FOXN3: variants seen among roughly 807,000 people sequenced by gnomAD.
FOXN3 encodes the protein forkhead box protein N3.
FOXN3 carries 7 observed loss-of-function variants against 38.4 expected under a neutral mutation model. That is an observed-to-expected ratio of 0.18 (90% CI 0.10 to 0.34). The LOEUF (loss-of-function observed/expected upper bound fraction) is 0.34. Ranked by LOEUF, FOXN3 falls within the 10% of genes least tolerant of loss-of-function variation. The pLI is 1.00. For synonymous variants in FOXN3, 230 were observed against 242.2 expected (o/e 0.95, Z 0.47); for missense variants, 456 against 613.4 (o/e 0.74, Z 2.71).
chr14:89,304,311 G>A (rs539560849), intron 3 of FOXN3, among the ~76,000 whole-genome samples: 4 of 152,300 alleles, frequency 2.6e-5, no homozygotes, highest in South Asian at 2.1e-4. Context: ...GGGAAGGGGC[G>A]GGAAGGGGCG....
upstream of FOXN3, chr14:89,417,806 G>A (rs577778746): frequency 3.3e-4 from 148 of 452,352 alleles, no homozygotes; most frequent in African/African-American, 2.6e-3. Flanking sequence ...GGTAAGCACC[G>A]CAGCGTCCCA....
chr14:89,276,621 G>T (rs759582968), intron 4 of FOXN3, among the ~76,000 whole-genome samples: 38 of 152,284 alleles, frequency 2.5e-4, no homozygotes, highest in Middle Eastern at 6.8e-3. Flanking sequence ...GTGGGACCTG[G>T]TTGAGAGGGT....
chr14:89,305,911 A>G (rs1407209383), intron 3 of FOXN3, among the ~76,000 whole-genome samples: 4 of 152,212 alleles, frequency 2.6e-5, no homozygotes, highest in Non-Finnish European at 5.9e-5. Context: ...AGGTGTTTAT[A>G]ATTTGTGGAA....
chr14:89,226,962 T>C (rs1487806600), intron 4 of FOXN3, among the ~76,000 whole-genome samples: 1 of 152,180 alleles, frequency 6.6e-6, no homozygotes, highest in African/African-American at 2.4e-5. Context: ...ACTTCTGATC[T>C]CTGAAACTGT....
At chr14:89,266,240 T>C (rs1300993041) in intron 4 of FOXN3, among the ~76,000 whole-genome samples, 1 of 152,170 alleles carries the variant, frequency 6.6e-6, no homozygotes, top group Admixed American at 6.5e-5. Context: ...GGTGGCACGT[T>C]TGGGTTCTCC....
At chr14:89,369,428 T>C (rs577976844) in intron 2 of FOXN3, among the ~76,000 whole-genome samples, 1 of 152,332 alleles carries the variant, frequency 6.6e-6, no homozygotes, top group East Asian at 1.9e-4. Flanking sequence ...ATTATTTATT[T>C]CACTTAATTC....
intron 2 of FOXN3, among the ~76,000 whole-genome samples, chr14:89,370,591 G>A (rs1320981146): frequency 6.6e-6 from 1 of 152,242 alleles, no homozygotes; most frequent in Non-Finnish European, 1.5e-5. Context: ...CACTTGGCAA[G>A]AAGCAGGTTC....
chr14:89,470,169 G>T (rs1224393104), intron 1 of FOXN3, among the ~76,000 whole-genome samples: 2 of 152,184 alleles, frequency 1.3e-5, no homozygotes. Context: ...GACGCTGGAA[G>T]CTCAGTCCTA....
intron 1 of FOXN3, among the ~76,000 whole-genome samples, chr14:89,453,739 T>G (rs1892666693): frequency 6.6e-6 from 1 of 152,162 alleles, no homozygotes; most frequent in African/African-American, 2.4e-5. Context: ...CTTGTTTTGG[T>G]GGGCCCCATC....
chr14:89,483,119 A>T (rs1893374126), intron 1 of FOXN3, among the ~76,000 whole-genome samples: 1 of 152,108 alleles, frequency 6.6e-6, no homozygotes, highest in South Asian at 2.1e-4. Context: ...AAGCAGGAGA[A>T]TCGCTTGAAC....
At chr14:89,286,656 C>T (rs1284987237) in intron 3 of FOXN3, among the ~76,000 whole-genome samples, 1 of 152,142 alleles carries the variant, frequency 6.6e-6, no homozygotes, top group Non-Finnish European at 1.5e-5. Context: ...ATTGTTTTGC[C>T]TTATAACTGG....
At chr14:89,331,198 C>T (rs2139986327) in intron 3 of FOXN3, among the ~76,000 whole-genome samples, 1 of 152,322 alleles carries the variant, frequency 6.6e-6, no homozygotes, top group Non-Finnish European at 1.5e-5. Context: ...TAAATACTAA[C>T]TCCCCATTCC....
At position 89,613,907 on chromosome 14, in the gene FOXN3, A is replaced by C. The variant is rs530812530; in HGVS notation, c.-15+5121T>G. 2.6e-5 allele frequency among the ~76,000 whole-genome samples: 4 copies of C among 152,330 alleles called. No homozygotes were observed. The South Asian group carries it at 8.3e-4, about 32-fold the overall frequency. On this transcript the variant is annotated intron_variant, in intron 1 of 6. Coordinates refer to the FOXN3 transcript ENST00000345097. ...CTGATTTCTCATCTCCATACCAGGC[A>C]GAGGTGAATCTAGTGATTGTGAAAA...
intron 1 of FOXN3, among the ~76,000 whole-genome samples, chr14:89,508,758 C>T (rs1893999840): frequency 6.6e-6 from 1 of 152,118 alleles, no homozygotes; most frequent in Non-Finnish European, 1.5e-5. Context: ...TTCGATCCAG[C>T]AGGTGTGTGG....
At chr14:89,531,066 TTATATATACACACACA>T (rs1037079636) in intron 1 of FOXN3, among the ~76,000 whole-genome samples, 9 of 146,846 alleles carry the variant, frequency 6.1e-5, no homozygotes, top group African/African-American at 9.9e-5. Flanking sequence ...CACATATATA[TTATATATACACACACA>T]TATATATACA....
chr14:89,618,514 T>C (rs1354574267), intron 1 of FOXN3, among the ~76,000 whole-genome samples: 4 of 152,168 alleles, frequency 2.6e-5, no homozygotes, highest in Admixed American at 2.6e-4. Context: ...AAACTGCCCA[T>C]AGATTTGACA....
Position 89,329,584 on chromosome 14 carries a change from G to A in FOXN3, c.680+21088C>T, listed in dbSNP as rs1009754123. Among the ~76,000 whole-genome samples, 8 of 152,126 alleles carry A rather than the reference G, an allele frequency of 5.3e-5. No individual in the cohort carries two copies. The East Asian group carries it at 9.6e-4, about 18-fold the overall frequency. Reference sequence around the variant, plus strand: ...AACAATTCTCTGGCCCCTGCCGGACGCGGTGGCTCAAGCCTGTAATCCCAG... The same window carrying A: ...AACAATTCTCTGGCCCCTGCCGGACACGGTGGCTCAAGCCTGTAATCCCAG... On this transcript the variant is annotated intron_variant, in intron 3 of 5. Transcript: ENST00000557258.
At chr14:89,299,673 C>T (rs540591989) in intron 3 of FOXN3, among the ~76,000 whole-genome samples, 1 of 152,286 alleles carries the variant, frequency 6.6e-6, no homozygotes, top group South Asian at 2.1e-4. Flanking sequence ...GCCGTGCTGA[C>T]CCCAGAGAGG....
chr14:89,370,365 AG>A (rs1049409260), intron 2 of FOXN3, among the ~76,000 whole-genome samples: 3 of 152,252 alleles, frequency 2.0e-5, no homozygotes, highest in African/African-American at 7.2e-5. Flanking sequence ...CAAGAGGCAG[AG>A]CCAGGCTTCA....
Sources: allele counts gnomAD v4.1 joint callset (sites outside exome capture counted in the v4.1 genomes callset), GRCh38; gene constraint gnomAD v4.1.1; transcripts MANE v1.5; gene names NCBI Gene and HGNC (gene_info 2026-07-23, HGNC 2026-07-21).